The following GRID2 variants were observed in gnomAD, a reference collection of about 807,000 sequenced individuals.
GRID2 encodes the protein glutamate ionotropic receptor delta type subunit 2, also known as glutamate receptor ionotropic, delta-2.
In GRID2, 33 loss-of-function variants were observed where a neutral mutation model predicts 114.8. That is an observed-to-expected ratio of 0.29 (90% confidence interval 0.22 to 0.38). The LOEUF (loss-of-function observed/expected upper bound fraction) is 0.38, where lower values mean the gene tolerates loss of function less well. Among genes scored for constraint, GRID2 ranks in the 10% least tolerant of loss-of-function variants. The pLI, the probability that GRID2 is intolerant of heterozygous loss-of-function variation, is 1.00. For synonymous variants in GRID2, 505 were observed against 449.9 expected, an observed-to-expected ratio of 1.12 and a Z score of -1.55; for missense variants, 1,184 against 1,257.7, an observed-to-expected ratio of 0.94 and a Z score of 0.89.
intron 14 of GRID2, among the ~76,000 whole-genome samples, chr4:93,653,400 C>T (rs1722755371): frequency 6.6e-6 from 1 of 152,146 alleles, no homozygotes; most frequent in Non-Finnish European, 1.5e-5. Flanking sequence ...GGCTTTTACT[C>T]TTGAACTCTG....
At chr4:92,424,237 A>T (rs1239003493) in intron 1 of GRID2, among the ~76,000 whole-genome samples, 2 of 152,124 alleles carry the variant, frequency 1.3e-5, no homozygotes, top group Non-Finnish European at 2.9e-5. Flanking sequence ...TTTGATAATT[A>T]TTGCAAAGGA....
intron 2 of GRID2, among the ~76,000 whole-genome samples, chr4:93,020,289 T>G (rs1345887321): frequency 2.0e-5 from 3 of 152,208 alleles, no homozygotes; most frequent in Non-Finnish European, 4.4e-5. Flanking sequence ...TGTTCCGACA[T>G]CCCTATGAAT....
intron 4 of GRID2, among the ~76,000 whole-genome samples, chr4:93,112,499 C>T (rs1005483940): frequency 6.6e-6 from 1 of 152,132 alleles, no homozygotes; most frequent in African/African-American, 2.4e-5. Context: ...CTCTCTCCTG[C>T]CTCCTTGTGA....
intron 4 of GRID2, among the ~76,000 whole-genome samples, chr4:93,200,064 G>T (rs2149459051): frequency 6.6e-6 from 1 of 152,100 alleles, no homozygotes; most frequent in Non-Finnish European, 1.5e-5. Flanking sequence ...GTGCACTTTG[G>T]CCATATGCAA....
At chr4:93,608,941 G>A (rs1193137832) in intron 13 of GRID2, among the ~76,000 whole-genome samples, 1 of 127,362 alleles carries the variant, frequency 7.9e-6, no homozygotes, top group East Asian at 2.0e-4. Context: ...GTGTCAAAGT[G>A]TTCCTATTTC....
chr4:92,476,023 CTT>C (rs752757998), intron 1 of GRID2, among the ~76,000 whole-genome samples: 42 of 125,080 alleles, frequency 3.4e-4, no homozygotes, highest in African/African-American at 1.1e-3. Flanking sequence ...TTCAGTGCTT[CTT>C]TTTTTTTTTT....
At chr4:93,238,330 T>C in intron 7 of GRID2, 41 bp from the exon 8 acceptor site, 1 of 1,446,558 alleles carries the variant, frequency 6.9e-7, no homozygotes, top group Non-Finnish European at 9.5e-7. Context: ...TTTATTTTTT[T>C]ACTTCTCAAA....
chr4:93,575,935 A>C (rs1736380555), intron 13 of GRID2, among the ~76,000 whole-genome samples: 1 of 152,198 alleles, frequency 6.6e-6, no homozygotes, highest in Non-Finnish European at 1.5e-5. Flanking sequence ...TTCTAAAAGG[A>C]GGAAACTATT....
intron 14 of GRID2, among the ~76,000 whole-genome samples, chr4:93,741,208 T>C (rs1308299133): frequency 7.9e-6 from 1 of 126,460 alleles, no homozygotes; most frequent in East Asian, 2.1e-4. Context: ...TATGTATATA[T>C]ATATATATTC....
intron 1 of GRID2, among the ~76,000 whole-genome samples, chr4:92,336,699 G>A (rs1284722351): frequency 1.3e-5 from 2 of 152,080 alleles, no homozygotes; most frequent in Admixed American, 6.6e-5. Flanking sequence ...AACAGTAAAC[G>A]TTTTACATGA....
At chr4:93,211,065 T>C (rs1237573416) in intron 5 of GRID2, among the ~76,000 whole-genome samples, 1 of 152,102 alleles carries the variant, frequency 6.6e-6, no homozygotes, top group Non-Finnish European at 1.5e-5. Flanking sequence ...ATCACTAAAT[T>C]GAAATGGCCA....
At chr4:92,819,942 A>C (rs1362444706) in intron 2 of GRID2, among the ~76,000 whole-genome samples, 1 of 152,148 alleles carries the variant, frequency 6.6e-6, no homozygotes, top group Non-Finnish European at 1.5e-5. Context: ...TCTTTTACTA[A>C]GCATCAGATA....
chr4:93,707,642 A>G (rs1245332529), intron 14 of GRID2, among the ~76,000 whole-genome samples: 1 of 151,752 alleles, frequency 6.6e-6, no homozygotes, highest in Admixed American at 6.6e-5. Flanking sequence ...TCAAGAAATT[A>G]TCTTTTTCTT....
At chr4:93,739,577 G>T (rs971469841) in intron 14 of GRID2, among the ~76,000 whole-genome samples, 2 of 152,062 alleles carry the variant, frequency 1.3e-5, no homozygotes, top group Non-Finnish European at 2.9e-5. Flanking sequence ...TCACTCACCT[G>T]TCCCTGACTT....
At chr4:92,845,334 G>C (rs1310090317) in intron 2 of GRID2, among the ~76,000 whole-genome samples, 1 of 152,002 alleles carries the variant, frequency 6.6e-6, no homozygotes, top group African/African-American at 2.4e-5. Flanking sequence ...TACTTTTTGA[G>C]TTCCTTAAGA....
At chr4:92,621,203 A>G (rs1230397133) in intron 2 of GRID2, among the ~76,000 whole-genome samples, 1 of 151,736 alleles carries the variant, frequency 6.6e-6, no homozygotes, top group African/African-American at 2.4e-5. Context: ...ATGTTAGATT[A>G]GAGCTGAGAT....
chr4:93,794,604 C>T (rs893085734), intron 1 of GRID2, among the ~76,000 whole-genome samples: 33 of 152,162 alleles, frequency 2.2e-4, no homozygotes, highest in African/African-American at 7.7e-4. Context: ...CTCGGCGAGC[C>T]TTTCTCAAAT....
chr4:92,754,022 A>G (rs983318750), intron 2 of GRID2, among the ~76,000 whole-genome samples: 9 of 152,230 alleles, frequency 5.9e-5, no homozygotes, highest in Admixed American at 2.6e-4. Context: ...CAAAACAACA[A>G]CATAAACACA....
chr4:92,796,173 A>G (rs1018880872), intron 2 of GRID2, among the ~76,000 whole-genome samples: 1 of 151,934 alleles, frequency 6.6e-6, no homozygotes, highest in Non-Finnish European at 1.5e-5. Context: ...ACTGCATGCA[A>G]TGAGTCTTAA....
Sources: allele counts gnomAD v4.1 joint callset (sites outside exome capture counted in the v4.1 genomes callset), GRCh38; gene constraint gnomAD v4.1.1; transcripts MANE v1.5; gene names NCBI Gene and HGNC (gene_info 2026-07-23, HGNC 2026-07-21).